Variants in KSR1 observed in about 807,000 individuals in gnomAD.
The protein encoded by KSR1 is kinase suppressor of ras 1.
KSR1 carries 35 observed loss-of-function variants against 92.9 expected under a neutral mutation model. The ratio of observed to expected loss-of-function variants is 0.38; its 90% CI spans 0.29 to 0.50. KSR1 has a LOEUF of 0.50. KSR1 is among the 20% of genes least tolerant of loss of function. The pLI, the probability that KSR1 is intolerant of heterozygous loss-of-function variation, is 0.94. For missense variants in KSR1, 972 were observed against 1,158.5 expected, an observed-to-expected ratio of 0.84 and a Z score of 2.34; for synonymous variants, 467 against 472.6, an observed-to-expected ratio of 0.99 and a Z score of 0.15.
In KSR1 at chr17:27,577,606, G is replaced by T; in HGVS notation, c.487G>T (p.Ala163Ser). Residue 163 changes from alanine to serine, a missense_variant, in exon 3 of 21, where the codon GCC (alanine) becomes TCC (serine). Physicochemically the swap from Ala to Ser is moderately conservative, Grantham distance 99. Transcript: ENST00000644974. This position sits in a 1 kb window ranked among gnomAD's most constrained non-coding sequence, Gnocchi z 4.5. Reference protein sequence around the residue: ...SGDECGRLQYALTCLRKVTGL... With the variant: ...SGDECGRLQYSLTCLRKVTGL... ...GGATGAGTGTGGCCGTCTGCAGTAT[G>T]CCCTCACCTGCCTGCGGAAGGTGAC... 1 of 1,592,728 alleles carries T rather than the reference G, an allele frequency of 6.3e-7. No homozygotes were observed. The highest frequency in any genetic ancestry group is 1.7e-5 in the Admixed American group (1 of 58,282).
At chr17:27,530,649 C>T (rs1158031577) in intron 1 of KSR1, among the ~76,000 whole-genome samples, 1 of 152,286 alleles carries the variant, frequency 6.6e-6, no homozygotes, top group Non-Finnish European at 1.5e-5. Flanking sequence ...GTATTATTCC[C>T]ATTCATAGCC....
intron 1 of KSR1, among the ~76,000 whole-genome samples, chr17:27,511,340 C>T (rs534814701): frequency 2.4e-4 from 36 of 152,308 alleles, no homozygotes; most frequent in African/African-American, 8.7e-4. Context: ...TGCACTTGCT[C>T]ACCAGTGTGG....
chr17:27,560,504 G>C (rs2945397), intron 2 of KSR1: 307,725 of 518,492 alleles, frequency 0.59, 92,624 homozygotes, highest in Admixed American at 0.74. Context: ...TTCTCTTTCC[G>C]CTCTCCTCTA....
At chr17:27,471,529 A>G (rs921590026) in intron 1 of KSR1, among the ~76,000 whole-genome samples, 1 of 152,132 alleles carries the variant, frequency 6.6e-6, no homozygotes, top group African/African-American at 2.4e-5. Flanking sequence ...TGGTGTGGTC[A>G]AGGGCCAGGA....
rs1249170165 is a variant in KSR1, at chr17:27,563,141, C to G, written c.372+12433C>G. ...ACTAGTCCTCGGACTGTTGCAGTTT[C>G]CCCATTCGCTCCCTATATCCACTCT... On this transcript the variant is annotated intron_variant, in intron 2 of 20. Transcript: ENST00000644974. 1.4e-4 allele frequency among the ~76,000 whole-genome samples: 21 copies of G among 152,180 alleles called. 1 individual carries two copies. The highest frequency in any genetic ancestry group is 1.4e-3 in the Admixed American group (21 of 15,280).
chr17:27,488,603 A>C (rs2068734840), intron 1 of KSR1, among the ~76,000 whole-genome samples: 1 of 152,186 alleles, frequency 6.6e-6, no homozygotes, highest in Non-Finnish European at 1.5e-5. Flanking sequence ...AGGCCAAGAC[A>C]GGAGGATTGC....
intron 1 of KSR1, among the ~76,000 whole-genome samples, chr17:27,469,993 AGTGTGT>A (rs145390989): frequency 0.059 from 8,236 of 139,504 alleles, 322 homozygotes; most frequent in South Asian, 0.14. Flanking sequence ...ATGGAGATGG[AGTGTGT>A]GTGTGTGTGT....
intron 2 of KSR1, among the ~76,000 whole-genome samples, chr17:27,564,574 G>T (rs2071981788): frequency 6.6e-6 from 1 of 152,218 alleles, no homozygotes; most frequent in South Asian, 2.1e-4. Context: ...GAAGAGCACA[G>T]GCAGCTGAGC....
At chr17:27,562,802 G>A (rs1237366846) in intron 2 of KSR1, among the ~76,000 whole-genome samples, 1 of 152,214 alleles carries the variant, frequency 6.6e-6, no homozygotes, top group East Asian at 1.9e-4. Flanking sequence ...TTTGGGGGAG[G>A]CCACAGGATT....
At chr17:27,531,180 T>G (rs1271824173) in intron 1 of KSR1, among the ~76,000 whole-genome samples, 6 of 152,350 alleles carry the variant, frequency 3.9e-5, no homozygotes, top group Non-Finnish European at 7.4e-5. Flanking sequence ...TTTGTGTTTC[T>G]CAGTCTCCAT....
At chr17:27,528,249 TAGAG>T (rs923170220) in intron 1 of KSR1, among the ~76,000 whole-genome samples, 1 of 151,930 alleles carries the variant, frequency 6.6e-6, no homozygotes, top group Non-Finnish European at 1.5e-5. Flanking sequence ...GTATTTTTAG[TAGAG>T]AGAGGGTGTC....
intron 1 of KSR1, among the ~76,000 whole-genome samples, chr17:27,462,753 CAG>C (rs1470165650): frequency 6.6e-6 from 1 of 152,240 alleles, no homozygotes; most frequent in Non-Finnish European, 1.5e-5. Flanking sequence ...AGATGTACAA[CAG>C]TGAAAATCAC....
chr17:27,579,144 C>A (rs62057822), intron 3 of KSR1: 21,993 of 152,332 alleles, frequency 0.14, 1,771 homozygotes, highest in South Asian at 0.23. Flanking sequence ...TCCAGGACAC[C>A]GGCCTTTCGT....
intron 1 of KSR1, among the ~76,000 whole-genome samples, chr17:27,489,692 T>G (rs1445663128): frequency 6.6e-6 from 1 of 152,170 alleles, no homozygotes; most frequent in Non-Finnish European, 1.5e-5. Flanking sequence ...CTGCTTTTGC[T>G]TCTTCTCTCC....
chr17:27,594,070 G>GTCATTCAGACCACAGCAGCTGCCCAGCCC (rs1308719290), intron 9 of KSR1, among the ~76,000 whole-genome samples: 16 of 152,286 alleles, frequency 1.1e-4, no homozygotes, highest in African/African-American at 3.8e-4. Flanking sequence ...GGAGTTCACA[G>GTCATTCAGACCACAGCAGCTGCCCAGCCC]TCATTCAGAC....
chr17:27,549,526 C>G (rs1005030428), intron 1 of KSR1, among the ~76,000 whole-genome samples: 3 of 152,236 alleles, frequency 2.0e-5, no homozygotes, highest in Non-Finnish European at 4.4e-5. Flanking sequence ...TCGGGTTTAC[C>G]CAAGTCAGGC....
chr17:27,521,473 A>T (rs2070031202), intron 1 of KSR1, among the ~76,000 whole-genome samples: 1 of 151,752 alleles, frequency 6.6e-6, no homozygotes, highest in Non-Finnish European at 1.5e-5. Context: ...CACAGGGTCT[A>T]GCTCCATTGC....
At chr17:27,543,871 G>T (rs891186619) in intron 1 of KSR1, among the ~76,000 whole-genome samples, 2 of 152,156 alleles carry the variant, frequency 1.3e-5, no homozygotes, top group Non-Finnish European at 2.9e-5. Flanking sequence ...TATCTGATGC[G>T]TGGGTTCCTC....
chr17:27,492,133 A>AGGAGACGAGGAGAGTGTGTGTAGC (rs2068850197), intron 1 of KSR1, among the ~76,000 whole-genome samples: 1 of 152,092 alleles, frequency 6.6e-6, no homozygotes, highest in Non-Finnish European at 1.5e-5. Flanking sequence ...GGGAGGAGGG[A>AGGAGACGAGGAGAGTGTGTGTAGC]GGAGACGAGG....
Sources: gnomAD v4.1 joint callset for allele counts (sites outside exome capture counted in the v4.1 genomes callset) on GRCh38, gnomAD v4.1.1 for gene constraint, Gnocchi (gnomAD v3.1) non-coding constraint, MANE v1.5 for transcripts, NCBI Gene and HGNC (gene_info 2026-07-23, HGNC 2026-07-21) for gene names.